Variants in AFF2 observed in about 807,000 individuals in gnomAD.
AFF2 encodes AF4/FMR2 family member 2.
Under a neutral mutation model 76.9 loss-of-function variants are expected in AFF2, and 14 were observed. The observed-to-expected ratio is 0.18, with a 90% confidence interval of 0.12 to 0.28. The LOEUF is 0.28. Ranked by LOEUF, AFF2 falls within the 10% of genes least tolerant of loss-of-function variation. The pLI is 1.00. For missense variants in AFF2, 868 were observed against 1,001.1 expected (o/e 0.87, Z 1.79); for synonymous variants, 398 against 366.7 (o/e 1.09, Z -0.98).
chrX:148,607,415 C>T (rs1241721207), intron 1 of AFF2, among the ~76,000 whole-genome samples: 1 of 110,749 alleles, frequency 9.0e-6, no homozygotes, highest in Non-Finnish European at 1.9e-5. Context: ...ATAAGTCTTA[C>T]AAGATCTCAT....
rs2052342598 is a variant in AFF2 at position 148,501,073 on chromosome X, C to T, written c.-25C>T. 4.1e-6 allele frequency: 5 copies of T among 1,206,909 alleles called. No homozygotes were observed. Among genetic ancestry groups the T allele is most frequent in the Non-Finnish European group, 5.6e-6 (5 of 894,183 alleles). ...CCCGCTGCGATCAGGGACAGGCGCC[C>T]GCCCGCCGCCGCCGCCTGGCCGCTA... On this transcript the variant is annotated 5_prime_UTR_variant, in exon 1 of 21. Transcript: ENST00000370460.
rs184808216 is a variant in AFF2, at chrX:148,706,967, C to T, written c.1041+44199C>T. On this transcript the variant is annotated intron_variant, in intron 3 of 20. Coordinates refer to ENST00000370460, the MANE Select transcript of AFF2 (RefSeq NM_002025.4). Reference sequence around the variant, plus strand: ...TTTGAGGACAGAGATTATGTCTTGTCTTTCACTATGTAGACATAGCTTATC... The same window carrying T: ...TTTGAGGACAGAGATTATGTCTTGTTTTTCACTATGTAGACATAGCTTATC... 1.4e-3 allele frequency among the ~76,000 whole-genome samples: 153 copies of T among 112,187 alleles called. 1 individual carries two copies. Among genetic ancestry groups the T allele is most frequent in the Non-Finnish European group, 2.4e-3 (129 of 53,181 alleles).
chrX:148,795,838 T>A (rs1411527119), intron 3 of AFF2, among the ~76,000 whole-genome samples: 20 of 15,304 alleles, frequency 1.3e-3, no homozygotes, highest in East Asian at 1.8e-3. Flanking sequence ...AAAAAATATA[T>A]ATATATATAT....
At chrX:148,780,591 G>C (rs782741122) in intron 3 of AFF2, among the ~76,000 whole-genome samples, 15 of 111,549 alleles carry the variant, frequency 1.3e-4, no homozygotes, top group Middle Eastern at 4.7e-3. Context: ...GTGTTTTTCA[G>C]CTCCATAAGG....
intron 3 of AFF2, among the ~76,000 whole-genome samples, chrX:148,809,561 G>A (rs981487011): frequency 3.6e-5 from 4 of 111,768 alleles, no homozygotes; most frequent in African/African-American, 1.3e-4. Flanking sequence ...GGTCAAAGAT[G>A]CCTTAAAGAT....
intron 17 of AFF2, 59 bp from the exon 18 acceptor site, chrX:148,978,303 C>A (rs2072350999): frequency 1.2e-6 from 1 of 824,588 alleles, no homozygotes; most frequent in Non-Finnish European, 1.8e-6. Flanking sequence ...GTCTTCTTAA[C>A]AGTTTATAAA....
intron 1 of AFF2, among the ~76,000 whole-genome samples, chrX:148,587,183 C>T (rs1365653310): frequency 8.9e-6 from 1 of 111,907 alleles, no homozygotes; most frequent in Non-Finnish European, 1.9e-5. Context: ...AGGGGAGATA[C>T]TTTCTGCATT....
intron 16 of AFF2, among the ~76,000 whole-genome samples, chrX:148,975,939 G>A (rs377387026): frequency 1.4e-4 from 1 of 7,267 alleles, no homozygotes; most frequent in Non-Finnish European, 6.6e-4. Flanking sequence ...GCGAGACTCC[G>A]TCTCAAAAAA....
chrX:148,557,706 C>T (rs944857193), intron 1 of AFF2, among the ~76,000 whole-genome samples: 4 of 112,219 alleles, frequency 3.6e-5, no homozygotes, highest in East Asian at 5.6e-4. Context: ...CAACCTGTCA[C>T]GTATAATAAA....
At chrX:148,981,861 A>G (rs150867350) in intron 19 of AFF2, among the ~76,000 whole-genome samples, 1,217 of 112,769 alleles carry the variant, frequency 0.011, 25 homozygotes, top group African/African-American at 0.037. Flanking sequence ...TTGAAATCAT[A>G]AAAACATTCA....
chrX:148,788,184 C>A (rs1283170284), intron 3 of AFF2, among the ~76,000 whole-genome samples: 1 of 111,553 alleles, frequency 9.0e-6, no homozygotes, highest in Non-Finnish European at 1.9e-5. Flanking sequence ...ATGGAAAAAT[C>A]ATTTGGAGGA....
At chrX:148,704,216 CTATATATATATGTGTGTATATATATATT>C (rs1557262115) in intron 3 of AFF2, among the ~76,000 whole-genome samples, 1 of 19,428 alleles carries the variant, frequency 5.1e-5, no homozygotes, top group African/African-American at 1.6e-4. Context: ...ATTGGAAATC[CTATATATATATGTGTGTATATATATATT>C]TATATATATA....
intron 9 of AFF2, among the ~76,000 whole-genome samples, chrX:148,925,072 G>A (rs73614007): frequency 0.064 from 7,123 of 111,914 alleles, 530 homozygotes; most frequent in African/African-American, 0.22. Context: ...GTTTGCATAC[G>A]TCCCTTCCTG....
rs182174606 is a variant in AFF2, at chrX:148,967,128, G to C, written c.3203+49G>C. 6.9e-3 allele frequency: 8,250 copies of C among 1,187,901 alleles called. 34 individuals carry two copies. The highest frequency in any genetic ancestry group is 7.5e-3 in the Non-Finnish European group (6,635 of 886,502). ...GACAGTTTGGAGTAGTGAATGGGGG[G>C]TGGGGGTAGCATGGCTTTTCTAGTG... On this transcript the variant is annotated intron_variant, in intron 14 of 20. Transcript: ENST00000370460.
chrX:148,637,180 A>G (rs1306154948), intron 1 of AFF2, among the ~76,000 whole-genome samples: 2 of 111,847 alleles, frequency 1.8e-5, no homozygotes, highest in African/African-American at 3.3e-5. Flanking sequence ...CTGCTTCCAT[A>G]TGGTGCATTG....
chrX:148,805,466 T>C lies in AFF2; in HGVS notation c.1042-4410T>C, dbSNP rs964428270. Among the ~76,000 whole-genome samples, 13 of 111,432 alleles carry C rather than the reference T, an allele frequency of 1.2e-4. No individual in the cohort carries two copies. In the South Asian group the frequency reaches 3.1e-3, roughly 26 times the overall value. On this transcript the variant is annotated intron_variant, in intron 3 of 20. Coordinates refer to ENST00000370460, the MANE Select transcript of AFF2 (RefSeq NM_002025.4). ...CATGTGTTGATCATTATTCTATTAA[T>C]GTTTTACGTTAATCTCCATGTTTTC...
intron 3 of AFF2, among the ~76,000 whole-genome samples, chrX:148,766,274 C>G (rs2069515308): frequency 1.8e-5 from 2 of 109,470 alleles, no homozygotes; most frequent in Admixed American, 1.9e-4. Flanking sequence ...CCTGAGGAAT[C>G]GCCACACTGA....
chrX:148,624,486 A>G (rs1557251737), intron 1 of AFF2, among the ~76,000 whole-genome samples: 1 of 112,107 alleles, frequency 8.9e-6, no homozygotes, highest in Non-Finnish European at 1.9e-5. Flanking sequence ...TAACTTGCTG[A>G]TCATAGCAAA....
intron 1 of AFF2, among the ~76,000 whole-genome samples, chrX:148,634,708 C>A (rs915680561): frequency 9.0e-6 from 1 of 111,482 alleles, no homozygotes; most frequent in South Asian, 3.8e-4. Flanking sequence ...TTTTCACATA[C>A]CTTATCTTAT....
Sources: allele counts gnomAD v4.1 joint callset (sites outside exome capture counted in the v4.1 genomes callset), GRCh38; gene constraint gnomAD v4.1.1; transcripts MANE v1.5; gene names NCBI Gene and HGNC (gene_info 2026-07-23, HGNC 2026-07-21).